NRBP2: variants seen among roughly 807,000 people sequenced by gnomAD.
NRBP2 encodes the protein nuclear receptor-binding protein 2.
In NRBP2, 47 loss-of-function variants were observed where a neutral mutation model predicts 74.4. The ratio of observed to expected loss-of-function variants is 0.63; its 90% confidence interval spans 0.50 to 0.81. NRBP2 has a LOEUF of 0.81. Ranked by LOEUF, NRBP2 falls within the 30% of genes least tolerant of loss-of-function variation. NRBP2 has a pLI of 0.00. For missense variants in NRBP2, 613 were observed against 690.1 expected (o/e 0.89, Z 1.25); for synonymous variants, 312 against 273.8 (o/e 1.14, Z -1.38).
At chr8:143,836,992 T>C (rs2130535812) in intron 14 of NRBP2, 47 bp downstream of exon 14, 1 of 1,580,320 alleles carries the variant, frequency 6.3e-7, no homozygotes, top group Non-Finnish European at 8.6e-7. Context: ...TATCTGGCTG[T>C]TAGAAGGTCT....
At position 143,837,081 on chromosome 8, in the gene NRBP2, G is replaced by A. The variant is rs782138050; in HGVS notation, c.1221C>T (p.Ala407=). The A allele has an allele frequency of 2.5e-6, 4 of 1,611,988 alleles. No individual in the cohort carries two copies. The highest frequency in any genetic ancestry group is 1.7e-5 in the Admixed American group (1 of 59,310). Reference sequence around the variant, plus strand: ...CAAAGGGCTCTGGCGTCGGGGTCTTGGCCTTTTGGACCTCCTCCGGGGGTG... The same window carrying A: ...CAAAGGGCTCTGGCGTCGGGGTCTTAGCCTTTTGGACCTCCTCCGGGGGTG... ...LAPPPEEVQK[A]KTPTPEPFDS... is the part of the protein sequence containing the mutation. Residue 407 remains alanine, a synonymous_variant, in exon 14 of 18, where the codon GCC becomes GCT. Coordinates refer to ENST00000442628, the MANE Select transcript of NRBP2 (RefSeq NM_178564.4). This position sits in a 1 kb window ranked among gnomAD's most constrained non-coding sequence, Gnocchi z 4.3.
In NRBP2 at chr8:143,837,156, C is replaced by G. The variant is rs782256802; in HGVS notation, c.1146G>C (p.Leu382=). 4 of 1,612,870 alleles carry G rather than the reference C, an allele frequency of 2.5e-6. No individual in the cohort carries two copies. The South Asian group carries it at 4.4e-5, about 18-fold the overall frequency. ...LEDVRNGIYP[L]MNFAATRPLG... Reference sequence around the variant, plus strand: ...GGGGTCGAGTGGCTGCAAAGTTCATCAGTGGGTAGATTCCATTCCTGGGGA... The same window carrying G: ...GGGGTCGAGTGGCTGCAAAGTTCATGAGTGGGTAGATTCCATTCCTGGGGA... Residue 382 remains leucine (L), a synonymous_variant, in exon 14 of 18, where the codon CTG becomes CTC. Coordinates refer to ENST00000442628, the MANE Select transcript of NRBP2 (RefSeq NM_178564.4). The surrounding 1 kb of genome is among the most constrained non-coding windows in gnomAD (Gnocchi z 4.3).
chr8:143,837,104 G>T lies in NRBP2; in HGVS notation c.1198C>A (p.Pro400Thr). 1.2e-6 allele frequency: 2 copies of T among 1,612,614 alleles called. No homozygotes were observed. Among genetic ancestry groups the T allele is most frequent in the Non-Finnish European group, 1.7e-6 (2 of 1,179,396 alleles). ...TTGGCCTTTTGGACCTCCTCCGGGG[G>T]TGGGGCCAGCACACGGGGCAGCCCC... ...PLGLPRVLAP[P>T]PEEVQKAKTP... Residue 400 changes from proline (P) to threonine (T), a missense_variant, in exon 14 of 18, where the codon CCC (proline) becomes ACC (threonine). Pro to Thr is a conservative substitution (Grantham distance 38). Coordinates refer to ENST00000442628, the MANE Select transcript of NRBP2 (RefSeq NM_178564.4). The surrounding 1 kb of genome is among the most constrained non-coding windows in gnomAD (Gnocchi z 4.3).
chr8:143,830,528 C>T (rs1554649900), downstream of NRBP2, among the ~76,000 whole-genome samples: 1 of 152,262 alleles, frequency 6.6e-6, no homozygotes, highest in African/African-American at 2.4e-5. Context: ...CACCCGCATG[C>T]CATCAGGCTT....
chr8:143,836,698 T>TGG (rs58600986), intron 14 of NRBP2, among the ~76,000 whole-genome samples: 2,027 of 10,062 alleles, frequency 0.2, 116 homozygotes, highest in Middle Eastern at 0.35. Context: ...ATGGGAGGGG[T>TGG]GGGGGGGGTG....
chr8:143,837,162 G>A lies in NRBP2; in HGVS notation c.1140C>T (p.Tyr380=), dbSNP rs1554652049. 3 of 1,613,058 alleles carry A rather than the reference G, an allele frequency of 1.9e-6. No homozygotes were observed. The highest frequency in any genetic ancestry group is 2.5e-6 in the Non-Finnish European group (3 of 1,179,422). ...KFLEDVRNGI[Y]PLMNFAATRP... is the part of the protein sequence containing the mutation. Reference sequence around the variant, plus strand: ...GAGTGGCTGCAAAGTTCATCAGTGGGTAGATTCCATTCCTGGGGACACAAC... The same window carrying A: ...GAGTGGCTGCAAAGTTCATCAGTGGATAGATTCCATTCCTGGGGACACAAC... Residue 380 remains tyrosine (Y), a synonymous_variant, in exon 14 of 18, where the codon TAC becomes TAT. Coordinates refer to ENST00000442628, the MANE Select transcript of NRBP2 (RefSeq NM_178564.4). The surrounding 1 kb of genome is among the most constrained non-coding windows in gnomAD (Gnocchi z 4.3).
At chr8:143,836,233 G>A (rs1303727381) in intron 14 of NRBP2, 53 bp from the exon 15 acceptor site, 61 of 1,474,972 alleles carry the variant, frequency 4.1e-5, no homozygotes, top group African/African-American at 2.9e-5. Context: ...ACCACATGCC[G>A]CGGCCCCAAA....
downstream of NRBP2, among the ~76,000 whole-genome samples, chr8:143,832,521 T>C (rs1419963443): frequency 1.3e-5 from 2 of 152,258 alleles, no homozygotes; most frequent in Non-Finnish European, 2.9e-5. Context: ...TGTCTCCATA[T>C]AAAACCTGAT....
Position 143,837,408 on chromosome 8 carries a change from G to T in NRBP2, c.1075C>A (p.Arg359=). The change falls in exon 12 of 18, where the codon CGG becomes AGG. Residue 359 remains arginine (R), a splice_region_variant and synonymous_variant. Coordinates refer to ENST00000442628, the MANE Select transcript of NRBP2 (RefSeq NM_178564.4). The surrounding 1 kb of genome is among the most constrained non-coding windows in gnomAD (Gnocchi z 4.3). The part of the protein sequence containing the change: ...PRPRRPPLQW[R]YSEVSFMELD... ...GGCTTCTGGGTGCTGACTGCTCACC[G>T]CCACTGCAGCGGGGGCCTGCGGGGC... 6.3e-7 allele frequency: 1 copy of T among 1,595,134 alleles called. No homozygotes were observed.
At chr8:143,832,393 C>G (rs1178994777), downstream of NRBP2, among the ~76,000 whole-genome samples, 3 of 151,996 alleles carry the variant, frequency 2.0e-5, no homozygotes, top group African/African-American at 4.8e-5. Context: ...GACCGTCCCC[C>G]AGCCCGACAC....
In NRBP2 at chr8:143,835,520, AGGAGACG is replaced by A. The variant is rs1563857707; in HGVS notation, c.*135_*141del. The A allele has an allele frequency of 1.3e-6, 1 of 748,242 alleles. No homozygotes were observed. Among genetic ancestry groups the A allele is most frequent in the Non-Finnish European group, 2.2e-6 (1 of 458,646 alleles). 46.4% of individuals were successfully genotyped at this position (748,242 alleles called of 1,614,324 possible). A position where few individuals can be genotyped will look rare whatever the true frequency, so the allele number is the denominator to read the frequency against. ...CCAAGGCAGGGTCAGCCCCACTCTC[AGGAGACG>A]GGGGGTTCCTTCACTACCGGGGCCT... On this transcript the variant is annotated 3_prime_UTR_variant, in exon 18 of 18. Coordinates refer to ENST00000442628, the MANE Select transcript of NRBP2 (RefSeq NM_178564.4). The surrounding 1 kb of genome is among the most constrained non-coding windows in gnomAD (Gnocchi z 4.9).
chr8:143,839,923 G>T lies in NRBP2; in HGVS notation c.354+6C>A. ...TCTGCCTGCCCGGGGCCTTGCCCGT[G>T]CTCACCCTCGCGCAGGCCTCAGAGG... On this transcript the variant is annotated splice_donor_region_variant and intron_variant, in intron 3 of 17. Coordinates refer to ENST00000442628, the MANE Select transcript of NRBP2 (RefSeq NM_178564.4). The surrounding 1 kb of genome is among the most constrained non-coding windows in gnomAD (Gnocchi z 5.1). The T allele has an allele frequency of 6.5e-7, 1 of 1,536,018 alleles. No homozygotes were observed. The highest frequency in any genetic ancestry group is 8.7e-7 in the Non-Finnish European group (1 of 1,146,788).
At chr8:143,836,357 G>A (rs1182865407) in intron 14 of NRBP2, among the ~76,000 whole-genome samples, 177 bp from the exon 15 acceptor site, 1 of 152,142 alleles carries the variant, frequency 6.6e-6, no homozygotes, top group African/African-American at 2.4e-5. Flanking sequence ...CGACATTAGG[G>A]GCTGGGTACT....
At chr8:143,832,877 CTG>C (rs1320752643), downstream of NRBP2, among the ~76,000 whole-genome samples, 8 of 152,218 alleles carry the variant, frequency 5.3e-5, no homozygotes, top group South Asian at 2.1e-4. Flanking sequence ...ACTTTTGTCT[CTG>C]TGTCTTTTTC....
At chr8:143,832,683 A>G (rs1818206122), downstream of NRBP2, among the ~76,000 whole-genome samples, 1 of 152,214 alleles carries the variant, frequency 6.6e-6, no homozygotes, top group Non-Finnish European at 1.5e-5. Flanking sequence ...TCTATGATGC[A>G]AAGACCTTTG....
At position 143,837,359 on chromosome 8, in the gene NRBP2, G is replaced by T; in HGVS notation, c.1076+48C>A. 1 of 1,532,164 alleles carries T rather than the reference G, an allele frequency of 6.5e-7. No homozygotes were observed. The highest frequency in any genetic ancestry group is 2.3e-5 in the East Asian group (1 of 43,106). The allele number at this position is 1,532,164 out of a possible 1,614,324, so 94.9% of individuals were successfully genotyped here. A position where few individuals can be genotyped will look rare whatever the true frequency, so the allele number is the denominator to read the frequency against. On this transcript the variant is annotated intron_variant, in intron 12 of 17. Coordinates refer to ENST00000442628, the MANE Select transcript of NRBP2 (RefSeq NM_178564.4). This position sits in a 1 kb window ranked among gnomAD's most constrained non-coding sequence, Gnocchi z 4.3. ...CCGGGGCGAGGGGAGGGGAGGTGCG[G>T]GGAGGGGAGGTGTGGGGAGGGGAGG...
rs1470463748 is a variant in NRBP2, at chr8:143,840,116, C to T, written c.243G>A (p.Ala81=). 2.6e-5 allele frequency: 40 copies of T among 1,536,014 alleles called. No homozygotes were observed. The highest frequency in any genetic ancestry group is 3.3e-5 in the Non-Finnish European group (38 of 1,146,900). The change falls in exon 2 of 18, where the codon GCG becomes GCA. Residue 81 remains alanine, a synonymous_variant. Coordinates refer to ENST00000442628, the MANE Select transcript of NRBP2 (RefSeq NM_178564.4). The surrounding 1 kb of genome is among the most constrained non-coding windows in gnomAD (Gnocchi z 5.7). The stretch of plus-strand genomic sequence containing the variant: ...GGGGCAGCGGTCTCACCTCGTGCGC[C>T]GCGAAGGCCTTCCTGTCTCCGAAGT... The part of the protein sequence containing the change: ...ELHFGDRKAF[A]AHEEKIQTVF...
In NRBP2 at chr8:143,837,537, G is replaced by A. The variant is rs1273974000; in HGVS notation, c.974-28C>T. ...GCGGCCACAAGAGCATCAAGGCGGT[G>A]TGCTCAGGCCGTGGGTCCTGCAGGG... On this transcript the variant is annotated intron_variant, in intron 11 of 17. Coordinates refer to ENST00000442628, the MANE Select transcript of NRBP2 (RefSeq NM_178564.4). The surrounding 1 kb of genome is among the most constrained non-coding windows in gnomAD (Gnocchi z 4.3). The A allele has an allele frequency of 2.5e-6, 4 of 1,600,998 alleles. 1 individual carries two copies. The Middle Eastern group carries it at 5.0e-4, about 198-fold the overall frequency.
intron 10 of NRBP2, chr8:143,838,109 C>G: frequency 9.8e-6 from 5 of 512,722 alleles, no homozygotes; most frequent in Non-Finnish European, 1.8e-5. Flanking sequence ...TGGGTCCCCA[C>G]TCTGTCCACA....
Sources: gnomAD v4.1 joint callset for allele counts (sites outside exome capture counted in the v4.1 genomes callset) on GRCh38, gnomAD v4.1.1 for gene constraint, Gnocchi (gnomAD v3.1) non-coding constraint, MANE v1.5 for transcripts, NCBI Gene and HGNC (gene_info 2026-07-23, HGNC 2026-07-21) for gene names.